ATP8B2: variants seen among roughly 807,000 people sequenced by gnomAD.
ATP8B2 encodes the protein ATPase phospholipid transporting 8B2.
In ATP8B2, 70 loss-of-function variants were observed where a neutral mutation model predicts 133.4. The observed-to-expected ratio is 0.52, with a 90% CI of 0.43 to 0.64. The LOEUF (loss-of-function observed/expected upper bound fraction) is 0.64. ATP8B2 is among the 30% of genes least tolerant of loss of function. The pLI is 0.00. For synonymous variants in ATP8B2, 517 were observed against 589.5 expected (o/e 0.88, Z 1.78); for missense variants, 1,101 against 1,535.7 (o/e 0.72, Z 4.73).
At chr1:154,329,012 G>A (rs759203684) in intron 2 of ATP8B2, 11 of 1,303,900 alleles carry the variant, frequency 8.4e-6, no homozygotes, top group East Asian at 5.6e-5. Flanking sequence ...GGAGATGCCC[G>A]AGAAGTGGGC....
intron 11 of ATP8B2, among the ~76,000 whole-genome samples, chr1:154,336,069 T>C (rs1236444434): frequency 2.0e-5 from 3 of 150,262 alleles, no homozygotes; most frequent in African/African-American, 7.4e-5. Flanking sequence ...GCCATCTATG[T>C]GAGATAGTGA....
Position 154,328,274 on chromosome 1 carries a change from G to A in ATP8B2, c.31+102G>A, listed in dbSNP as rs1384405386. 1 of 1,298,944 alleles carries A rather than the reference G, an allele frequency of 7.7e-7. No individual in the cohort carries two copies. The highest frequency in any genetic ancestry group is 1.5e-5 in the African/African-American group (1 of 68,408). The allele number at this position is 1,298,944 out of a possible 1,614,324, so 80.5% of individuals were successfully genotyped here. A position where few individuals can be genotyped will look rare whatever the true frequency, so the allele number is the denominator to read the frequency against. ...AGGGACAACTGGTATGGGTCTGAGG[G>A]AGGGTAGCTTACAGCAGCCCCTACC... On this transcript the variant is annotated intron_variant, in intron 2 of 27. Coordinates refer to ENST00000368489, the MANE Select transcript of ATP8B2 (RefSeq NM_001370597.1). This position sits in a 1 kb window ranked among gnomAD's most constrained non-coding sequence, Gnocchi z 4.6.
chr1:154,344,022 G>C lies in ATP8B2; in HGVS notation c.1888G>C (p.Ala630Pro), dbSNP rs1686493938. 6.2e-7 allele frequency: 1 copy of C among 1,614,136 alleles called. No individual in the cohort carries two copies. Among genetic ancestry groups the C allele is most frequent in the Admixed American group, 1.7e-5 (1 of 60,024 alleles). Residue 630 changes from alanine to proline, a missense_variant, in exon 18 of 28, where the codon GCT (alanine) becomes CCT (proline). By Grantham distance (27) the Ala-to-Pro change is conservative. Coordinates refer to ENST00000368489, the MANE Select transcript of ATP8B2 (RefSeq NM_001370597.1). This position sits in a 1 kb window ranked among gnomAD's most constrained non-coding sequence, Gnocchi z 4.1. ...CCAGGACAGCCGGGAGGACAGGCTGGCTAGCATCTATGAGGAGGTTGAGAA... is the reference window on the plus strand; with the variant it reads ...CCAGGACAGCCGGGAGGACAGGCTGCCTAGCATCTATGAGGAGGTTGAGAA... ...LAQDSREDRL[A>P]SIYEEVENNM...
rs1370246255 is a variant in ATP8B2 at position 154,328,782 on chromosome 1, C to T, written c.31+610C>T. On this transcript the variant is annotated intron_variant, in intron 2 of 27. Coordinates refer to ENST00000368489, the MANE Select transcript of ATP8B2 (RefSeq NM_001370597.1). The surrounding 1 kb of genome is among the most constrained non-coding windows in gnomAD (Gnocchi z 4.6). ...ATCCGCCGGGGGGCATGGGGGGCGG[C>T]GGCGGCGGCGCAGCTGAGCTCGCGG... 12 of 1,001,968 alleles carry T rather than the reference C, an allele frequency of 1.2e-5. No homozygotes were observed. The highest frequency in any genetic ancestry group is 1.4e-5 in the Non-Finnish European group (12 of 842,264). The allele number at this position is 1,001,968 out of a possible 1,614,324, so 62.1% of individuals were successfully genotyped here. A position where few individuals can be genotyped will look rare whatever the true frequency, so the allele number is the denominator to read the frequency against.
chr1:154,337,766 A>G (rs1344091463), intron 12 of ATP8B2: 2 of 1,479,650 alleles, frequency 1.4e-6, no homozygotes, highest in Non-Finnish European at 1.8e-6. Flanking sequence ...ATATTGATTT[A>G]TTCAGCACCT....
Position 154,350,842 on chromosome 1 carries a change from C to T in ATP8B2, c.*1724C>T, listed in dbSNP as rs1381272856. On this transcript the variant is annotated 3_prime_UTR_variant, in exon 28 of 28. Coordinates refer to ENST00000368489, the MANE Select transcript of ATP8B2 (RefSeq NM_001370597.1). ...TTTGATAGTGGGTCGGGGGATTCTT[C>T]AGGAATGGTTTGGAGCTGGGAGTGG... 1 of 148,068 alleles carries T rather than the reference C, an allele frequency of 6.8e-6. No homozygotes were observed. The highest frequency in any genetic ancestry group is 2.0e-4 in the East Asian group (1 of 5,032). 9.2% of individuals were successfully genotyped at this position (148,068 alleles called of 1,614,324 possible). A position where few individuals can be genotyped will look rare whatever the true frequency, so the allele number is the denominator to read the frequency against.
Position 154,332,617 on chromosome 1 carries a change from G to A in ATP8B2, c.510-1G>A. 6.3e-7 allele frequency: 1 copy of A among 1,584,430 alleles called. No individual in the cohort carries two copies. The highest frequency in any genetic ancestry group is 8.6e-7 in the Non-Finnish European group (1 of 1,163,934). Reference sequence around the variant, plus strand: ...GGGACTCAGAGATACTGTCCTTCCAGCGAGACCAACATGAAAGTACGTCAG... The same window carrying A: ...GGGACTCAGAGATACTGTCCTTCCAACGAGACCAACATGAAAGTACGTCAG... On this transcript the variant is annotated splice_acceptor_variant, in intron 8 of 27. Coordinates refer to ENST00000368489, the MANE Select transcript of ATP8B2 (RefSeq NM_001370597.1). LOFTEE classifies it high-confidence loss of function.
At chr1:154,348,604 A>C in intron 27 of ATP8B2, 66 bp downstream of exon 27, 9 of 1,584,162 alleles carry the variant, frequency 5.7e-6, no homozygotes, top group Non-Finnish European at 7.7e-6. Flanking sequence ...TCATGTGAAC[A>C]CTGGGGGGCT....
Position 154,346,564 on chromosome 1 carries a change from C to T in ATP8B2, c.3025-56C>T. The T allele has an allele frequency of 6.2e-7, 1 of 1,611,514 alleles. No individual in the cohort carries two copies. The highest frequency in any genetic ancestry group is 8.5e-7 in the Non-Finnish European group (1 of 1,178,556). ...TGCCCTGGGCACCACAGTTCTGTTT[C>T]TGGGGGAAGGGGCTTTTAGGGCGTG... On this transcript the variant is annotated intron_variant, in intron 25 of 27. Coordinates refer to ENST00000368489, the MANE Select transcript of ATP8B2 (RefSeq NM_001370597.1). The surrounding 1 kb of genome is among the most constrained non-coding windows in gnomAD (Gnocchi z 4.5).
rs1686775165 is a variant in ATP8B2 at position 154,351,107 on chromosome 1, A to T, written c.*1989A>T. 7.1e-6 allele frequency: 1 copy of T among 140,786 alleles called. No homozygotes were observed. Among genetic ancestry groups the T allele is most frequent in the Non-Finnish European group, 1.6e-5 (1 of 64,512 alleles). 8.7% of individuals were successfully genotyped at this position (140,786 alleles called of 1,614,324 possible). ...ATATTTTGTTTGTCTATATTATATA[A>T]ATATATATATACAGTTATATATATA... On this transcript the variant is annotated 3_prime_UTR_variant, in exon 28 of 28. Coordinates refer to ENST00000368489, the MANE Select transcript of ATP8B2 (RefSeq NM_001370597.1).
chr1:154,337,759 T>A, intron 12 of ATP8B2: 1 of 1,485,098 alleles, frequency 6.7e-7, no homozygotes. Context: ...AAAAAAAATA[T>A]TGATTTATTC....
Position 154,344,354 on chromosome 1 carries a change from G to T in ATP8B2, c.2036-41G>T. 1.2e-6 allele frequency: 2 copies of T among 1,614,152 alleles called. No individual in the cohort carries two copies. The highest frequency in any genetic ancestry group is 1.7e-6 in the Non-Finnish European group (2 of 1,179,994). On this transcript the variant is annotated intron_variant, in intron 19 of 27. Coordinates refer to ENST00000368489, the MANE Select transcript of ATP8B2 (RefSeq NM_001370597.1). The surrounding 1 kb of genome is among the most constrained non-coding windows in gnomAD (Gnocchi z 4.1). ...TCAGGCAGGCAAGTGTGCTGACCTT[G>T]TTGGGTGCCTGTCCGTAGCTCCTGC...
chr1:154,330,368 T>A, intron 2 of ATP8B2, 28 bp from the exon 3 acceptor site: 1 of 1,611,020 alleles, frequency 6.2e-7, no homozygotes, highest in Non-Finnish European at 8.5e-7. Context: ...AGTTTGCTCC[T>A]CCTGACTGCA....
At chr1:154,347,117 T>C (rs922977027) in intron 26 of ATP8B2, among the ~76,000 whole-genome samples, 3 of 152,184 alleles carry the variant, frequency 2.0e-5, no homozygotes, top group Non-Finnish European at 4.4e-5. Flanking sequence ...CTTGAACTCC[T>C]GACCTCAGGT....
rs368442703 is a variant in ATP8B2 at position 154,346,575 on chromosome 1, G to A, written c.3025-45G>A. On this transcript the variant is annotated intron_variant, in intron 25 of 27. Transcript: ENST00000368489. The surrounding 1 kb of genome is among the most constrained non-coding windows in gnomAD (Gnocchi z 4.5). ...CCACAGTTCTGTTTCTGGGGGAAGG[G>A]GCTTTTAGGGCGTGCGCCTGCCTGA... is the stretch of plus-strand genomic sequence containing the variant. 6.2e-7 allele frequency: 1 copy of A among 1,612,778 alleles called. No homozygotes were observed. Among genetic ancestry groups the A allele is most frequent in the Non-Finnish European group, 8.5e-7 (1 of 1,179,210 alleles).
rs1383882420 is a variant in ATP8B2, at chr1:154,340,622, CCTT to C, written c.1035-228_1035-226del. On this transcript the variant is annotated intron_variant, in intron 12 of 27. Transcript: ENST00000368489. The surrounding 1 kb of genome is among the most constrained non-coding windows in gnomAD (Gnocchi z 4.0). Reference sequence around the variant, plus strand: ...GTCCTGCCCACCCAGGCCCTTTGCACCTTCTTGTCTGGAGAGCATCAGGAGGGT... The same window carrying C: ...GTCCTGCCCACCCAGGCCCTTTGCACCTTGTCTGGAGAGCATCAGGAGGGT... The C allele has an allele frequency of 3.5e-6, 2 of 573,210 alleles. No homozygotes were observed. Among genetic ancestry groups the C allele is most frequent in the South Asian group, 2.2e-5 (1 of 46,152 alleles). The allele number at this position is 573,210 out of a possible 1,614,324, so 35.5% of individuals were successfully genotyped here. A position where few individuals can be genotyped will look rare whatever the true frequency, so the allele number is the denominator to read the frequency against.
Position 154,331,978 on chromosome 1 carries a change from A to G in ATP8B2, c.463A>G (p.Ser155Gly). 1.9e-6 allele frequency: 3 copies of G among 1,614,154 alleles called. No individual in the cohort carries two copies. Among genetic ancestry groups the G allele is most frequent in the Non-Finnish European group, 1.7e-6 (2 of 1,179,992 alleles). ...GGCGGATCTCCTCCTCCTTTCCAGC[A>G]GTGAGCCCCATGGGCTGTGTTACAT... is the stretch of plus-strand genomic sequence containing the variant. ...VAADLLLLSSSEPHGLCYIET... is the reference protein window; with the variant it reads ...VAADLLLLSSGEPHGLCYIET... Residue 155 changes from serine to glycine, a missense_variant, in exon 8 of 28, where the codon AGT becomes GGT. Physicochemically the swap from Ser to Gly is moderately conservative, Grantham distance 56. Transcript: ENST00000368489. The surrounding 1 kb of genome is among the most constrained non-coding windows in gnomAD (Gnocchi z 4.8).
intron 9 of ATP8B2, 140 bp from the exon 10 acceptor site, chr1:154,333,967 C>T (rs1027355340): frequency 4.8e-6 from 5 of 1,047,538 alleles, no homozygotes; most frequent in Non-Finnish European, 7.1e-6. Flanking sequence ...GTTGCATCAG[C>T]TCACACTCCT....
At chr1:154,336,202 TG>T (rs1371288506) in intron 11 of ATP8B2, among the ~76,000 whole-genome samples, 1 of 152,150 alleles carries the variant, frequency 6.6e-6, no homozygotes, top group Admixed American at 6.5e-5. Flanking sequence ...TTGAGGACTC[TG>T]GAAGGTTTCA....
Sources: allele counts gnomAD v4.1 joint callset (sites outside exome capture counted in the v4.1 genomes callset), GRCh38; gene constraint gnomAD v4.1.1; non-coding constraint Gnocchi (gnomAD v3.1); transcripts MANE v1.5; gene names NCBI Gene and HGNC (gene_info 2026-07-23, HGNC 2026-07-21).